KCNMA1: variants seen among roughly 807,000 people sequenced by gnomAD.
KCNMA1 encodes the protein Calcium-activated potassium channel subunit alpha-1.
A neutral mutation model predicts 140.0 loss-of-function variants in KCNMA1; 29 were observed. The observed-to-expected ratio is 0.21, with a 90% confidence interval of 0.15 to 0.28. The LOEUF (loss-of-function observed/expected upper bound fraction) is 0.28. Among genes scored for constraint, KCNMA1 ranks in the 10% least tolerant of loss-of-function variants. KCNMA1 has a pLI of 1.00. For synonymous variants in KCNMA1, 612 were observed against 611.9 expected (o/e 1.00, Z 0.00); for missense variants, 880 against 1,602.2 (o/e 0.55, Z 7.70).
chr10:76,899,492 C>A (rs1300790141), intron 25 of KCNMA1, among the ~76,000 whole-genome samples: 4 of 152,108 alleles, frequency 2.6e-5, no homozygotes, highest in African/African-American at 9.7e-5. Flanking sequence ...GCTCTGCCAT[C>A]CATTACTTTT....
chr10:76,948,157 A>C (rs180987579), intron 22 of KCNMA1, among the ~76,000 whole-genome samples: 138 of 152,132 alleles, frequency 9.1e-4, no homozygotes, highest in African/African-American at 3.2e-3. Flanking sequence ...AGCACACGCC[A>C]CCACATCAGG....
intron 20 of KCNMA1, among the ~76,000 whole-genome samples, chr10:76,969,348 T>C (rs1375711522): frequency 1.2e-5 from 1 of 82,228 alleles, no homozygotes; most frequent in African/African-American, 4.7e-5. Context: ...GGAGGGAACA[T>C]GTACATGCAT....
At chr10:76,925,497 T>G (rs2057403751) in intron 23 of KCNMA1, among the ~76,000 whole-genome samples, 1 of 152,196 alleles carries the variant, frequency 6.6e-6, no homozygotes, top group Non-Finnish European at 1.5e-5. Flanking sequence ...ACATCCCCCC[T>G]CATGCTGCCA....
At chr10:77,373,849 C>T (rs2290712) in intron 2 of KCNMA1, 20,397 of 152,126 alleles carry the variant, frequency 0.13, 1,792 homozygotes, top group African/African-American at 0.24. Context: ...CCACTTTCAG[C>T]TTGACCCTGA....
At chr10:77,578,383 T>C (rs1056500556) in intron 1 of KCNMA1, among the ~76,000 whole-genome samples, 88 of 152,230 alleles carry the variant, frequency 5.8e-4, no homozygotes, top group African/African-American at 2.0e-3. Flanking sequence ...AAGACAGGCC[T>C]ATCTCTGAAG....
rs57641471 is a variant in KCNMA1 at position 77,573,642 on chromosome 10, GGAATAGAATA to G, written c.378+63613_378+63622del. Among the ~76,000 whole-genome samples the G allele has an allele frequency of 8.8e-3, 568 of 64,906 alleles. 6 individuals carry two copies. Among genetic ancestry groups the G allele is most frequent in the African/African-American group, 0.016 (286 of 17,952 alleles). 42.6% of individuals were successfully genotyped at this position (64,906 alleles called of 152,430 possible). On this transcript the variant is annotated intron_variant, in intron 1 of 27. Coordinates refer to ENST00000286628, the MANE Select transcript of KCNMA1 (RefSeq NM_001161352.2). ...GGAATGGAATGGAATGGAATGGAAT[GGAATAGAATA>G]GAATAGAATAGAATAGAATAGAATA...
intron 1 of KCNMA1, among the ~76,000 whole-genome samples, chr10:77,556,454 G>A (rs985564310): frequency 5.6e-5 from 7 of 124,378 alleles, no homozygotes; most frequent in East Asian, 2.6e-4. Context: ...GTGGTAAGCC[G>A]AGATCACACC....
chr10:76,881,069 TA>T (rs35977626), downstream of KCNMA1, among the ~76,000 whole-genome samples: 48,046 of 151,898 alleles, frequency 0.32, 8,492 homozygotes, highest in Non-Finnish European at 0.4. Context: ...TGGGACAAGA[TA>T]AAACTCTGGA....
chr10:77,625,312 C>T (rs2619621), intron 1 of KCNMA1, among the ~76,000 whole-genome samples: 86,990 of 151,706 alleles, frequency 0.57, 26,631 homozygotes, highest in African/African-American at 0.78. Flanking sequence ...ACCTGGGAGG[C>T]GGAGCTTGCA....
intron 1 of KCNMA1, among the ~76,000 whole-genome samples, chr10:77,404,242 G>C (rs986068681): frequency 7.2e-5 from 11 of 151,988 alleles, no homozygotes; most frequent in Admixed American, 6.6e-5. Context: ...AAATATCTTA[G>C]TGAAACAAAG....
chr10:76,981,625 C>T (rs947892291), intron 19 of KCNMA1, among the ~76,000 whole-genome samples: 13 of 152,132 alleles, frequency 8.5e-5, no homozygotes, highest in African/African-American at 2.4e-4. Flanking sequence ...ACCAGGCTCT[C>T]CCACCATGTC....
chr10:77,428,502 C>A (rs1388104446), intron 1 of KCNMA1, among the ~76,000 whole-genome samples: 1 of 152,084 alleles, frequency 6.6e-6, no homozygotes, highest in Admixed American at 6.5e-5. Flanking sequence ...ACTCCGAAGC[C>A]CAGAGAAGGA....
At chr10:77,251,890 T>C (rs1157045468) in intron 2 of KCNMA1, among the ~76,000 whole-genome samples, 1 of 152,200 alleles carries the variant, frequency 6.6e-6, no homozygotes, top group Non-Finnish European at 1.5e-5. Context: ...ACATAAGAGA[T>C]ACCAATTTGA....
At chr10:76,918,596 T>C (rs567856626) in intron 23 of KCNMA1, among the ~76,000 whole-genome samples, 2 of 152,274 alleles carry the variant, frequency 1.3e-5, no homozygotes, top group South Asian at 4.1e-4. Context: ...ACAGTAGATG[T>C]TGGCATGGAT....
chr10:76,989,138 T>C (rs1191000385), intron 19 of KCNMA1, among the ~76,000 whole-genome samples: 2 of 152,100 alleles, frequency 1.3e-5, no homozygotes, highest in Admixed American at 6.6e-5. Context: ...CACTGGAGCA[T>C]AGATAATACC....
intron 5 of KCNMA1, among the ~76,000 whole-genome samples, chr10:77,135,158 T>C (rs1256846779): frequency 6.6e-6 from 1 of 151,560 alleles, no homozygotes; most frequent in Non-Finnish European, 1.5e-5. Flanking sequence ...AGAAAGCAAA[T>C]AGCCCAATTA....
intron 1 of KCNMA1, among the ~76,000 whole-genome samples, chr10:77,445,733 C>T (rs1228092911): frequency 1.3e-5 from 2 of 152,084 alleles, no homozygotes; most frequent in Admixed American, 1.3e-4. Flanking sequence ...AAACTCAATC[C>T]CACCAGGGAC....
At chr10:77,020,600 A>G (rs1466468565) in intron 16 of KCNMA1, 1 of 152,150 alleles carries the variant, frequency 6.6e-6, no homozygotes, top group African/African-American at 2.4e-5. Flanking sequence ...GGCTCTCCAT[A>G]AGCACCTCCT....
intron 6 of KCNMA1, among the ~76,000 whole-genome samples, chr10:77,116,164 G>A (rs993518114): frequency 2.6e-5 from 4 of 152,192 alleles, no homozygotes; most frequent in Non-Finnish European, 5.9e-5. Flanking sequence ...GGGAGATTAT[G>A]ATCTTATCAT....
Sources: allele counts gnomAD v4.1 joint callset (sites outside exome capture counted in the v4.1 genomes callset), GRCh38; gene constraint gnomAD v4.1.1; transcripts MANE v1.5; gene names NCBI Gene and HGNC (gene_info 2026-07-23, HGNC 2026-07-21).